The following TSN variants were observed in gnomAD, a reference collection of about 807,000 sequenced individuals.
TSN encodes the protein translin.
In TSN, 5 loss-of-function variants were observed where a neutral mutation model predicts 29.4. The observed-to-expected ratio is 0.17, with a 90% CI of 0.09 to 0.36. TSN has a LOEUF of 0.36. TSN is among the 10% of genes least tolerant of loss of function. The pLI is 1.00. For missense variants in TSN, 159 were observed against 272.8 expected, an observed-to-expected ratio of 0.58 and a Z score of 2.94; for synonymous variants, 106 against 102.2, an observed-to-expected ratio of 1.04 and a Z score of -0.23.
chr2:121,762,859 T>TG lies in TSN; in HGVS notation c.374-145dup. 7 of 636,526 alleles carry TG rather than the reference T, an allele frequency of 1.1e-5. No individual in the cohort carries two copies. The South Asian group carries it at 1.8e-4, about 16-fold the overall frequency. 39.4% of individuals were successfully genotyped at this position (636,526 alleles called of 1,614,324 possible). A position where few individuals can be genotyped will look rare whatever the true frequency, so the allele number is the denominator to read the frequency against. On this transcript the variant is annotated intron_variant, in intron 4 of 5. Transcript: ENST00000389682. ...CAAAAAATCCATAGTGAGGTCTAGT[T>TG]GCCAAGGTTGTGAATATATTAAAAA...
intron 1 of TSN, 194 bp downstream of exon 1, chr2:121,756,039 G>T: frequency 8.4e-7 from 1 of 1,185,542 alleles, no homozygotes; most frequent in Non-Finnish European, 1.1e-6. Context: ...CCCCGTGTTC[G>T]AGTCTCAGCT....
At chr2:121,756,861 A>G (rs2106451579) in intron 1 of TSN, among the ~76,000 whole-genome samples, 1 of 151,542 alleles carries the variant, frequency 6.6e-6, no homozygotes, top group South Asian at 2.1e-4. Context: ...GTGAGCTGAG[A>G]TCGCGCCACT....
In TSN at chr2:121,757,345, G is replaced by A; in HGVS notation, c.160+12G>A. 6.2e-7 allele frequency: 1 copy of A among 1,613,818 alleles called. No homozygotes were observed. The highest frequency in any genetic ancestry group is 8.5e-7 in the Non-Finnish European group (1 of 1,179,848). On this transcript the variant is annotated intron_variant, in intron 2 of 5. Coordinates refer to ENST00000389682, the MANE Select transcript of TSN (RefSeq NM_004622.3). The stretch of plus-strand genomic sequence containing the variant: ...TGGGTTTCAGGACAGTAAGTTCTTT[G>A]TTTTGTATCCAATTATCAGTCTCTT...
In TSN at chr2:121,755,746, T is replaced by C. The variant is rs770677393; in HGVS notation, c.-34T>C. The C allele has an allele frequency of 3.1e-6, 5 of 1,611,998 alleles. No individual in the cohort carries two copies. The highest frequency in any genetic ancestry group is 1.1e-5 in the South Asian group (1 of 91,088). ...CGGCGTCCACTTCCTTGGCCGCCCT[T>C]GCTACACTGGCTGATTGTTGTGCAG... On this transcript the variant is annotated 5_prime_UTR_variant, in exon 1 of 6. Transcript: ENST00000389682.
At chr2:121,757,613 A>G in intron 2 of TSN, 1 of 433,080 alleles carries the variant, frequency 2.3e-6, no homozygotes, top group Non-Finnish European at 4.1e-6. Flanking sequence ...CTGCCAGCAC[A>G]GTATTCTCAG....
chr2:121,755,948 C>T, intron 1 of TSN, 103 bp downstream of exon 1: 1 of 1,570,550 alleles, frequency 6.4e-7, no homozygotes, highest in Non-Finnish European at 8.6e-7. Flanking sequence ...GGGGACGCCT[C>T]CGAGGGTGGG....
At chr2:121,757,537 C>A (rs1474629997) in intron 2 of TSN, 1 of 969,570 alleles carries the variant, frequency 1.0e-6, no homozygotes, top group Non-Finnish European at 1.5e-6. Context: ...ATTGCGAGGG[C>A]ATTCTACTGA....
intron 5 of TSN, 40 bp downstream of exon 5, chr2:121,763,124 T>C: frequency 7.8e-7 from 1 of 1,279,660 alleles, no homozygotes; most frequent in Non-Finnish European, 1.1e-6. Context: ...TTGATCTTTC[T>C]GCTTCACTGT....
chr2:121,757,173 G>A, intron 1 of TSN, 67 bp from the exon 2 acceptor site: 1 of 1,400,916 alleles, frequency 7.1e-7, no homozygotes, highest in South Asian at 1.2e-5. Context: ...GCTATCTAAT[G>A]TGTTTTGTGT....
Position 121,762,873 on chromosome 2 carries a change from A to G in TSN, c.374-132A>G, listed in dbSNP as rs1386695603. The G allele has an allele frequency of 5.1e-6, 4 of 783,040 alleles. No individual in the cohort carries two copies. In the African/African-American group the frequency reaches 5.4e-5, roughly 11 times the overall value. The allele number at this position is 783,040 out of a possible 1,614,324, so 48.5% of individuals were successfully genotyped here. ...TGAGGTCTAGTTGCCAAGGTTGTGA[A>G]TATATTAAAAAGCCAGTTTTTAAAA... On this transcript the variant is annotated intron_variant, in intron 4 of 5. Transcript: ENST00000389682.
chr2:121,756,449 C>G (rs1047792742), intron 1 of TSN: 6 of 252,256 alleles, frequency 2.4e-5, no homozygotes, highest in African/African-American at 1.4e-4. Flanking sequence ...GTTATGTTTT[C>G]TAGTAGCACA....
chr2:121,765,461 G>GAGCATC lies in TSN; in HGVS notation c.*94_*95insAGCATC. 9.2e-7 allele frequency: 1 copy of GAGCATC among 1,087,032 alleles called. No homozygotes were observed. The highest frequency in any genetic ancestry group is 1.4e-6 in the Non-Finnish European group (1 of 734,184). 67.3% of individuals were successfully genotyped at this position (1,087,032 alleles called of 1,614,324 possible). On this transcript the variant is annotated 3_prime_UTR_variant, in exon 6 of 6. Coordinates refer to ENST00000389682, the MANE Select transcript of TSN (RefSeq NM_004622.3). ...CTTACGGTAGTTAGGATGCTCAGTT[G>GAGCATC]CTAAACACTGCGCTTTATTTTCTTA...
chr2:121,765,355 T>C lies in TSN; in HGVS notation c.675T>C (p.Cys225=). ...TTAATAAGGAGACGGCAGCAGCTTGTGTTGAAAAATAGGAGGCTCTCCTTG... is the reference window on the plus strand; with the variant it reads ...TTAATAAGGAGACGGCAGCAGCTTGCGTTGAAAAATAGGAGGCTCTCCTTG... ...RGFNKETAAA[C]VEK Residue 225 remains cysteine, a synonymous_variant, in exon 6 of 6, where the codon TGT becomes TGC. Coordinates refer to ENST00000389682, the MANE Select transcript of TSN (RefSeq NM_004622.3). 1 of 1,614,130 alleles carries C rather than the reference T, an allele frequency of 6.2e-7. No homozygotes were observed. Among genetic ancestry groups the C allele is most frequent in the Non-Finnish European group, 8.5e-7 (1 of 1,179,974 alleles).
intron 2 of TSN, chr2:121,757,594 T>G (rs902359327): frequency 3.8e-6 from 2 of 521,972 alleles, no homozygotes; most frequent in Admixed American, 7.1e-5. Flanking sequence ...AAAAAAAAAG[T>G]GCAGCTCTCT....
At chr2:121,763,167 G>C (rs2074854206) in intron 5 of TSN, 83 bp downstream of exon 5, 3 of 935,498 alleles carry the variant, frequency 3.2e-6, no homozygotes, top group Non-Finnish European at 4.5e-6. Context: ...TTTTGAGACA[G>C]AGTCCCGCTC....
chr2:121,763,200 T>C (rs1237899394), intron 5 of TSN, 116 bp downstream of exon 5: 3 of 692,440 alleles, frequency 4.3e-6, no homozygotes, highest in East Asian at 6.7e-5. Flanking sequence ...TGGAGTGCAG[T>C]GGCGCAATCT....
chr2:121,763,584 TG>T (rs1388335722), intron 5 of TSN, among the ~76,000 whole-genome samples: 2 of 152,198 alleles, frequency 1.3e-5, no homozygotes, highest in African/African-American at 4.8e-5. Flanking sequence ...CCAGATCAAA[TG>T]ATGAGTGCAT....
At chr2:121,764,852 G>C (rs112702881) in intron 5 of TSN, among the ~76,000 whole-genome samples, 8 of 152,216 alleles carry the variant, frequency 5.3e-5, no homozygotes, top group African/African-American at 1.7e-4. Flanking sequence ...GAGCTGTAAA[G>C]ATGCTTGTGT....
chr2:121,763,987 C>G (rs2074869494), intron 5 of TSN, among the ~76,000 whole-genome samples: 1 of 152,168 alleles, frequency 6.6e-6, no homozygotes, highest in Non-Finnish European at 1.5e-5. Flanking sequence ...TTCTTATGTT[C>G]CAGAACTGTT....
Sources: allele counts gnomAD v4.1 joint callset (sites outside exome capture counted in the v4.1 genomes callset), GRCh38; gene constraint gnomAD v4.1.1; transcripts MANE v1.5; gene names NCBI Gene and HGNC (gene_info 2026-07-23, HGNC 2026-07-21).